ADAMTS6: variants seen among roughly 807,000 people sequenced by gnomAD.
ADAMTS6 encodes the protein ADAM metallopeptidase with thrombospondin type 1 motif 6, also known as A disintegrin and metalloproteinase with thrombospondin motifs 6.
ADAMTS6 carries 23 observed loss-of-function variants against 144.3 expected under a neutral mutation model. The ratio of observed to expected loss-of-function variants is 0.16; its 90% CI spans 0.11 to 0.23. The LOEUF (loss-of-function observed/expected upper bound fraction) is 0.23. ADAMTS6 is among the 10% of genes least tolerant of loss of function. The probability of loss-of-function intolerance (pLI) is 1.00; values close to 1 mark genes in which losing one functional copy is unlikely to be tolerated. For missense variants in ADAMTS6, 999 were observed against 1,379.6 expected (o/e 0.72, Z 4.37); for synonymous variants, 444 against 457.5 (o/e 0.97, Z 0.38).
At chr5:65,187,544 G>A (rs998349621) in intron 22 of ADAMTS6, among the ~76,000 whole-genome samples, 6 of 152,014 alleles carry the variant, frequency 3.9e-5, no homozygotes, top group Middle Eastern at 3.2e-3. Context: ...TAAGAGTTAC[G>A]TAATTAGGCT....
chr5:65,391,196 AG>A (rs1477308648), intron 7 of ADAMTS6, among the ~76,000 whole-genome samples: 2 of 152,194 alleles, frequency 1.3e-5, no homozygotes, highest in Non-Finnish European at 2.9e-5. Context: ...CCAGGATTAC[AG>A]GTATGAACCA....
chr5:65,404,512 G>A (rs967847453), intron 7 of ADAMTS6, among the ~76,000 whole-genome samples: 1 of 152,064 alleles, frequency 6.6e-6, no homozygotes, highest in Non-Finnish European at 1.5e-5. Context: ...TCCATGGTGT[G>A]TATGTGCCAC....
intron 15 of ADAMTS6, among the ~76,000 whole-genome samples, chr5:65,239,451 A>C (rs1758980258): frequency 6.6e-6 from 1 of 152,118 alleles, no homozygotes; most frequent in South Asian, 2.1e-4. Flanking sequence ...AAACAATAAG[A>C]CTTTTGGAAG....
chr5:65,289,655 A>T (rs1371447024), intron 11 of ADAMTS6, among the ~76,000 whole-genome samples: 1 of 152,242 alleles, frequency 6.6e-6, no homozygotes, highest in Non-Finnish European at 1.5e-5. Context: ...AGAAGAATTA[A>T]GTCAAATTTT....
At chr5:65,459,472 C>G (rs1009109344) in intron 4 of ADAMTS6, among the ~76,000 whole-genome samples, 1 of 152,168 alleles carries the variant, frequency 6.6e-6, no homozygotes, top group African/African-American at 2.4e-5. Context: ...CTTTATCCCT[C>G]CAGCCCACAT....
chr5:65,456,836 C>T (rs1759247616), intron 4 of ADAMTS6, among the ~76,000 whole-genome samples: 1 of 152,048 alleles, frequency 6.6e-6, no homozygotes, highest in African/African-American at 2.4e-5. Context: ...CTAAAAGGAA[C>T]ATTTATTACT....
intron 21 of ADAMTS6, among the ~76,000 whole-genome samples, chr5:65,191,556 A>G (rs955616616): frequency 6.6e-6 from 1 of 152,058 alleles, no homozygotes; most frequent in Admixed American, 6.5e-5. Context: ...AAATTGTAAA[A>G]ATCTTCAGAA....
Position 65,471,159 on chromosome 5 carries a change from C to G in ADAMTS6, c.98-17G>C. ...GGAATTCCTCTTTGTAATCACAAGG[C>G]AGAGAATCCAGAAAAAAAACACATG... is the stretch of plus-strand genomic sequence containing the variant. On this transcript the variant is annotated splice_polypyrimidine_tract_variant and intron_variant, in intron 2 of 24. Coordinates refer to ENST00000381055, the MANE Select transcript of ADAMTS6 (RefSeq NM_197941.4). 6.4e-7 allele frequency: 1 copy of G among 1,555,392 alleles called. No individual in the cohort carries two copies. Among genetic ancestry groups the G allele is most frequent in the Non-Finnish European group, 8.6e-7 (1 of 1,163,582 alleles).
chr5:65,219,144 A>AT (rs2112355075), intron 18 of ADAMTS6, among the ~76,000 whole-genome samples: 1 of 152,322 alleles, frequency 6.6e-6, no homozygotes, highest in East Asian at 1.9e-4. Context: ...GATATTGATA[A>AT]TTACATTAAA....
chr5:65,239,260 G>GTA (rs1321053440), intron 15 of ADAMTS6, among the ~76,000 whole-genome samples: 3 of 89,832 alleles, frequency 3.3e-5, no homozygotes, highest in African/African-American at 1.5e-4. Flanking sequence ...AGAACTTAAT[G>GTA]TATAAAAAAA....
intron 14 of ADAMTS6, among the ~76,000 whole-genome samples, chr5:65,253,538 T>C (rs1031218710): frequency 7.2e-5 from 11 of 152,160 alleles, no homozygotes; most frequent in Non-Finnish European, 1.6e-4. Flanking sequence ...ATATGCATGA[T>C]ATGCATAGTA....
At chr5:65,182,198 G>A (rs1754399882) in intron 22 of ADAMTS6, among the ~76,000 whole-genome samples, 1 of 152,062 alleles carries the variant, frequency 6.6e-6, no homozygotes, top group Admixed American at 6.5e-5. Context: ...GTGAATCCCA[G>A]CACTTTGGGA....
At chr5:65,306,803 C>T (rs192655204) in intron 9 of ADAMTS6, among the ~76,000 whole-genome samples, 26 of 152,284 alleles carry the variant, frequency 1.7e-4, no homozygotes, top group Admixed American at 3.9e-4. Context: ...TCTTTTTATA[C>T]GCTTATTGAC....
At chr5:65,286,120 A>C (rs984515079) in intron 11 of ADAMTS6, among the ~76,000 whole-genome samples, 3 of 152,208 alleles carry the variant, frequency 2.0e-5, no homozygotes, top group Non-Finnish European at 2.9e-5. Flanking sequence ...AGAGGAAATG[A>C]AAACATTTAT....
At chr5:65,442,750 G>C (rs963978234) in intron 7 of ADAMTS6, among the ~76,000 whole-genome samples, 3 of 151,558 alleles carry the variant, frequency 2.0e-5, no homozygotes, top group African/African-American at 7.2e-5. Flanking sequence ...GTGCCATGGT[G>C]GTTTGTTGCA....
intron 11 of ADAMTS6, among the ~76,000 whole-genome samples, chr5:65,277,461 G>T (rs1361021527): frequency 2.0e-5 from 3 of 152,050 alleles, no homozygotes; most frequent in South Asian, 2.1e-4. Context: ...TCGTTTTGAG[G>T]TCTCACTGCA....
chr5:65,425,351 AATGACAG>A (rs1344490752), intron 7 of ADAMTS6, among the ~76,000 whole-genome samples: 2 of 152,116 alleles, frequency 1.3e-5, no homozygotes, highest in Admixed American at 6.6e-5. Context: ...TTACTTTTTG[AATGACAG>A]ACCTGCATTT....
intron 20 of ADAMTS6, among the ~76,000 whole-genome samples, chr5:65,204,610 G>C (rs1000399393): frequency 6.6e-6 from 1 of 152,154 alleles, no homozygotes; most frequent in African/African-American, 2.4e-5. Context: ...TTAATGCAGT[G>C]ACAGACCATT....
chr5:65,210,601 G>T, intron 20 of ADAMTS6: 1 of 605,014 alleles, frequency 1.7e-6, no homozygotes, highest in South Asian at 1.8e-5. Context: ...TAAAGTTTTT[G>T]GCACCCCAAA....
Sources: allele counts gnomAD v4.1 joint callset (sites outside exome capture counted in the v4.1 genomes callset), GRCh38; gene constraint gnomAD v4.1.1; transcripts MANE v1.5; gene names NCBI Gene and HGNC (gene_info 2026-07-23, HGNC 2026-07-21).